KAZN: variants seen among roughly 807,000 people sequenced by gnomAD.
The protein encoded by KAZN is kazrin.
A neutral mutation model predicts 87.4 loss-of-function variants in KAZN; 40 were observed. That is an observed-to-expected ratio of 0.46 (90% CI 0.36 to 0.60). KAZN has a LOEUF of 0.60. Ranked by LOEUF, KAZN falls within the 20% of genes least tolerant of loss-of-function variation. The pLI, the probability that KAZN is intolerant of heterozygous loss-of-function variation, is 0.00. For missense variants in KAZN, 898 were observed against 1,073.9 expected, an observed-to-expected ratio of 0.84 and a Z score of 2.29; for synonymous variants, 466 against 458.3, an observed-to-expected ratio of 1.02 and a Z score of -0.22.
At chr1:13,955,301 T>C (rs1443069137) in intron 1 of KAZN, among the ~76,000 whole-genome samples, 1 of 152,182 alleles carries the variant, frequency 6.6e-6, no homozygotes, top group Admixed American at 6.5e-5. Flanking sequence ...ATGACTGTCA[T>C]TAGTATACCT....
At chr1:14,005,773 A>G (rs939744881) in intron 1 of KAZN, among the ~76,000 whole-genome samples, 6 of 152,196 alleles carry the variant, frequency 3.9e-5, no homozygotes, top group African/African-American at 1.4e-4. Context: ...AATGAAGACA[A>G]TGGGGCTCTT....
At chr1:13,967,283 A>G (rs1259433853) in intron 1 of KAZN, among the ~76,000 whole-genome samples, 2 of 152,158 alleles carry the variant, frequency 1.3e-5, no homozygotes, top group Non-Finnish European at 2.9e-5. Context: ...AGAGTGCATT[A>G]ATTAAGAAGG....
At chr1:14,910,333 T>G (rs1031671061) in intron 1 of KAZN, among the ~76,000 whole-genome samples, 4 of 152,156 alleles carry the variant, frequency 2.6e-5, no homozygotes, top group African/African-American at 9.6e-5. Context: ...CCCATGTGGG[T>G]GCCCTACCAA....
At chr1:14,420,776 G>A (rs760153353) in intron 2 of KAZN, among the ~76,000 whole-genome samples, 3 of 152,068 alleles carry the variant, frequency 2.0e-5, no homozygotes, top group Admixed American at 6.6e-5. Context: ...CGGGGCCGGC[G>A]GCACCAGCCG....
At chr1:13,911,516 A>G (rs749660110) in intron 1 of KAZN, among the ~76,000 whole-genome samples, 6 of 152,236 alleles carry the variant, frequency 3.9e-5, no homozygotes, top group Non-Finnish European at 5.9e-5. Context: ...TTGGGTGAGG[A>G]CAAGTATCCA....
At chr1:14,127,439 T>A in intron 1 of KAZN, among the ~76,000 whole-genome samples, 1 of 146,184 alleles carries the variant, frequency 6.8e-6, no homozygotes, top group Middle Eastern at 3.5e-3. Flanking sequence ...TTCTGTGCAA[T>A]ATAAAAATAA....
intron 2 of KAZN, among the ~76,000 whole-genome samples, chr1:14,511,630 C>T (rs530351847): frequency 7.6e-4 from 115 of 152,298 alleles, no homozygotes; most frequent in Non-Finnish European, 1.2e-3. Context: ...ATTATACTAA[C>T]GGACAACATA....
chr1:14,484,271 A>G (rs540026763), intron 2 of KAZN, among the ~76,000 whole-genome samples: 1 of 152,310 alleles, frequency 6.6e-6, no homozygotes, highest in African/African-American at 2.4e-5. Flanking sequence ...CAAGAGATCT[A>G]TTGCACAACG....
chr1:14,556,223 C>A (rs1423964804), intron 2 of KAZN, among the ~76,000 whole-genome samples: 2 of 151,712 alleles, frequency 1.3e-5, no homozygotes, highest in Non-Finnish European at 2.9e-5. Context: ...CATTCTCCTG[C>A]CTCAGCCTCC....
chr1:14,674,872 G>A (rs939208531), intron 1 of KAZN, among the ~76,000 whole-genome samples: 11 of 151,896 alleles, frequency 7.2e-5, no homozygotes, highest in East Asian at 1.9e-4. Flanking sequence ...CTGCAGCTGC[G>A]AACTCCTGGG....
At chr1:14,626,927 A>G (rs1267162026) in intron 1 of KAZN, among the ~76,000 whole-genome samples, 5 of 152,158 alleles carry the variant, frequency 3.3e-5, no homozygotes, top group Admixed American at 2.6e-4. Context: ...AGACTCTGCC[A>G]GGGACTGTGC....
At chr1:13,925,877 T>G (rs7542884) in intron 1 of KAZN, among the ~76,000 whole-genome samples, 76,185 of 151,706 alleles carry the variant, frequency 0.5, 19,533 homozygotes, top group East Asian at 0.72. Context: ...CAAAAATAGT[T>G]CTTGGAGGAT....
chr1:13,958,013 G>C (rs12136489), intron 1 of KAZN, among the ~76,000 whole-genome samples: 24,968 of 152,124 alleles, frequency 0.16, 2,284 homozygotes, highest in Middle Eastern at 0.22. Flanking sequence ...GAATGTGATA[G>C]TAATTCAGGT....
intron 2 of KAZN, among the ~76,000 whole-genome samples, chr1:14,415,424 G>C (rs892896547): frequency 6.6e-6 from 1 of 152,154 alleles, no homozygotes; most frequent in Non-Finnish European, 1.5e-5. Context: ...TATGATAGAT[G>C]GGGCCACTGT....
chr1:13,911,823 G>A (rs1013658840), intron 1 of KAZN, among the ~76,000 whole-genome samples: 1 of 152,104 alleles, frequency 6.6e-6, no homozygotes, highest in African/African-American at 2.4e-5. Context: ...TGATTGATAA[G>A]GACAGTTATC....
chr1:14,821,301 G>A (rs1213931081), intron 1 of KAZN, among the ~76,000 whole-genome samples: 1 of 152,106 alleles, frequency 6.6e-6, no homozygotes, highest in African/African-American at 2.4e-5. Context: ...ATCACTTGAG[G>A]TCAGGAGTTT....
chr1:14,010,368 C>A (rs1427264320), intron 1 of KAZN, among the ~76,000 whole-genome samples: 1 of 152,182 alleles, frequency 6.6e-6, no homozygotes, highest in Non-Finnish European at 1.5e-5. Context: ...AGGGCTGGGG[C>A]CAACTCAGAA....
rs538256173 is a variant in KAZN at position 14,024,566 on chromosome 1, A to G, written c.91+130810A>G. Among the ~76,000 whole-genome samples, 172 of 152,346 alleles carry G rather than the reference A, an allele frequency of 1.1e-3. 1 individual carries two copies. The highest frequency in any genetic ancestry group is 3.4e-3 in the Middle Eastern group (1 of 294). On this transcript the variant is annotated intron_variant, in intron 1 of 16. Coordinates refer to the KAZN transcript ENST00000636203. ...CTTGTGAAAACAGTCAACAGGAAAG[A>G]AGCAGGAACAGGGAGAGGGTACCTC...
At chr1:14,453,398 T>A (rs943531116) in intron 2 of KAZN, among the ~76,000 whole-genome samples, 4 of 152,168 alleles carry the variant, frequency 2.6e-5, no homozygotes, top group African/African-American at 9.7e-5. Context: ...AGAGTACAAA[T>A]TTTCAATTAT....
Sources: gnomAD v4.1 joint callset for allele counts (sites outside exome capture counted in the v4.1 genomes callset) on GRCh38, gnomAD v4.1.1 for gene constraint, MANE v1.5 for transcripts, NCBI Gene and HGNC (gene_info 2026-07-23, HGNC 2026-07-21) for gene names.